GLIS3: variants seen among roughly 807,000 people sequenced by gnomAD.
GLIS3 encodes GLIS family zinc finger 3.
GLIS3 carries 53 observed loss-of-function variants against 78.6 expected under a neutral mutation model. The ratio of observed to expected loss-of-function variants is 0.67; its 90% CI spans 0.54 to 0.85. The LOEUF is 0.85. Among genes scored for constraint, GLIS3 ranks in the 40% least tolerant of loss-of-function variants. The pLI, the probability that GLIS3 is intolerant of heterozygous loss-of-function variation, is 0.00. For synonymous variants in GLIS3, 684 were observed against 509.9 expected (o/e 1.34, Z -4.60); for missense variants, 1,703 against 1,231.1 (o/e 1.38, Z -5.74).
intron 4 of GLIS3, among the ~76,000 whole-genome samples, chr9:3,964,225 G>C (rs948932488): frequency 5.3e-5 from 8 of 152,146 alleles, no homozygotes; most frequent in Non-Finnish European, 1.0e-4. Context: ...CTCTCACATA[G>C]CCTTTTGTAG....
At chr9:4,484,439 G>A in the GLIS3 span, among the ~76,000 whole-genome samples, 2 of 87,472 alleles carry the variant, frequency 2.3e-5, no homozygotes, top group East Asian at 4.0e-4. Context: ...TTTTTTTTGA[G>A]ACAGAGTCTT....
intron 2 of GLIS3, among the ~76,000 whole-genome samples, chr9:4,198,147 C>T (rs1819037661): frequency 6.6e-6 from 1 of 151,964 alleles, no homozygotes; most frequent in South Asian, 2.1e-4. Context: ...CAGCAATGGC[C>T]CCTAACCAAA....
At chr9:4,162,587 C>CAT (rs1586846751) in intron 2 of GLIS3, among the ~76,000 whole-genome samples, 8 of 152,108 alleles carry the variant, frequency 5.3e-5, no homozygotes, top group South Asian at 2.1e-4. Flanking sequence ...TGGCCGGGTG[C>CAT]GGTGGCTCAC....
chr9:4,290,751 C>T (rs1815883741), intron 1 of GLIS3, among the ~76,000 whole-genome samples: 1 of 152,062 alleles, frequency 6.6e-6, no homozygotes, highest in South Asian at 2.1e-4. Flanking sequence ...TTATTGGCAA[C>T]AATATAAACA....
chr9:4,021,809 C>T (rs1269529548), intron 4 of GLIS3, among the ~76,000 whole-genome samples: 2 of 152,154 alleles, frequency 1.3e-5, no homozygotes, highest in South Asian at 2.1e-4. Context: ...ATGTGACCAG[C>T]TGGGCTTCAC....
chr9:4,132,138 G>A (rs1054992483), intron 2 of GLIS3, among the ~76,000 whole-genome samples: 4 of 151,110 alleles, frequency 2.6e-5, no homozygotes, highest in Non-Finnish European at 5.9e-5. Context: ...ACTACCAGAT[G>A]TGCCAATGAC....
chr9:4,356,180 T>C, the GLIS3 span, among the ~76,000 whole-genome samples: 2 of 152,258 alleles, frequency 1.3e-5, no homozygotes, highest in African/African-American at 4.8e-5. Flanking sequence ...CTCAACAATA[T>C]GATTTGGTAA....
chr9:4,343,363 G>C (rs1817860988), intron 2 of GLIS3, among the ~76,000 whole-genome samples: 1 of 151,896 alleles, frequency 6.6e-6, no homozygotes, highest in South Asian at 2.1e-4. Flanking sequence ...ACAAAACAAT[G>C]AGATACTATC....
intron 5 of GLIS3, chr9:3,932,997 A>G (rs1233851686): frequency 8.5e-6 from 2 of 234,286 alleles, no homozygotes; most frequent in African/African-American, 4.5e-5. Context: ...GGTTTCAAAC[A>G]GACACGTGAA....
chr9:4,437,420 G>GTATGTATGTATCTATC, the GLIS3 span, among the ~76,000 whole-genome samples: 313 of 127,016 alleles, frequency 2.5e-3, no homozygotes, highest in African/African-American at 5.8e-3. Flanking sequence ...ATGTATGTAT[G>GTATGTATGTATCTATC]TATCTATCTA....
At chr9:3,898,663 T>A (rs1823051244) in intron 7 of GLIS3, 28 bp downstream of exon 7, 2 of 1,613,954 alleles carry the variant, frequency 1.2e-6, no homozygotes, top group East Asian at 4.5e-5. Flanking sequence ...AGGGTAGTTG[T>A]GGTTGGCTCT....
chr9:4,234,234 C>T (rs1407352318), intron 2 of GLIS3, among the ~76,000 whole-genome samples: 1 of 152,198 alleles, frequency 6.6e-6, no homozygotes, highest in Admixed American at 6.5e-5. Flanking sequence ...AAATGTTTGA[C>T]ACAATTGGTT....
the GLIS3 span, among the ~76,000 whole-genome samples, chr9:4,370,307 C>A: frequency 2.6e-5 from 4 of 151,984 alleles, no homozygotes; most frequent in Admixed American, 6.6e-5. Flanking sequence ...GATGAGTGAG[C>A]AGCATCACTT....
intron 2 of GLIS3, among the ~76,000 whole-genome samples, chr9:4,150,439 AGGCCAAGTTCAGTCTGT>A (rs1482215945): frequency 1.3e-5 from 2 of 152,216 alleles, no homozygotes; most frequent in African/African-American, 2.4e-5. Context: ...GCAGGCCAGG[AGGCCAAGTTCAGTCTGT>A]GGCAAGCTCA....
chr9:3,920,074 G>A (rs961669095), intron 6 of GLIS3, among the ~76,000 whole-genome samples: 10 of 148,282 alleles, frequency 6.7e-5, no homozygotes, highest in African/African-American at 2.0e-4. Context: ...CACGGTCTCG[G>A]CTCACTGCAA....
chr9:4,139,678 G>A (rs1056125923), intron 2 of GLIS3, among the ~76,000 whole-genome samples: 5 of 152,148 alleles, frequency 3.3e-5, no homozygotes, highest in African/African-American at 9.7e-5. Context: ...GGGTGGGCAC[G>A]GTTGGGTGGG....
rs529250406 is a variant in GLIS3, at chr9:3,872,734, G to A, written c.2297+6693C>T. Reference sequence around the variant, plus strand: ...GATGAGATTTGGGTGCGGACACACAGCCAAACTATATCAGTCCCCACACCT... The same window carrying A: ...GATGAGATTTGGGTGCGGACACACAACCAAACTATATCAGTCCCCACACCT... On this transcript the variant is annotated intron_variant, in intron 8 of 10. Transcript: ENST00000381971. Among the ~76,000 whole-genome samples, 13 of 152,298 alleles carry A rather than the reference G, an allele frequency of 8.5e-5. No individual in the cohort carries two copies. In the South Asian group the frequency reaches 1.9e-3, roughly 22 times the overall value.
In GLIS3 at chr9:4,329,034, T is replaced by C. The variant is rs546379579; in HGVS notation, n.264+18047A>G. Among the ~76,000 whole-genome samples the C allele has an allele frequency of 7.2e-5, 11 of 152,132 alleles. No homozygotes were observed. The South Asian group carries it at 2.1e-3, about 29-fold the overall frequency. ...AAAGGCTTAGGATGATGAGTAAGAG[T>C]CTCTCAAATCTTGCCTGCTTGCCAG... On this transcript the variant is annotated intron_variant and non_coding_transcript_variant, in intron 2 of 4. Transcript: ENST00000471664.
intron 8 of GLIS3, among the ~76,000 whole-genome samples, chr9:3,868,212 G>C (rs16919817): frequency 6.6e-6 from 1 of 152,202 alleles, no homozygotes; most frequent in African/African-American, 2.4e-5. Flanking sequence ...GTGCTCACTA[G>C]ACAAATTGCA....
Sources: allele counts gnomAD v4.1 joint callset (sites outside exome capture counted in the v4.1 genomes callset), GRCh38; gene constraint gnomAD v4.1.1; transcripts MANE v1.5; gene names NCBI Gene and HGNC (gene_info 2026-07-23, HGNC 2026-07-21).